Variants in CCDC33 observed in about 807,000 individuals in gnomAD.
CCDC33 encodes the protein coiled-coil domain-containing protein 33.
In CCDC33, 94 loss-of-function variants were observed where a neutral mutation model predicts 91.9. The ratio of observed to expected loss-of-function variants is 1.02; its 90% CI spans 0.87 to 1.21. The LOEUF is 1.21. Among genes scored for constraint, CCDC33 ranks in the 50% most tolerant of loss-of-function variants. The pLI, the probability that CCDC33 is intolerant of heterozygous loss-of-function variation, is 0.00. For missense variants in CCDC33, 940 were observed against 935.5 expected (o/e 1.00, Z -0.06); for synonymous variants, 396 against 374.5 (o/e 1.06, Z -0.66).
At position 74,271,748 on chromosome 15, in the gene CCDC33, C is replaced by G; in HGVS notation, c.592C>G (p.Pro198Ala). The G allele has an allele frequency of 6.2e-7, 1 of 1,613,938 alleles. No individual in the cohort carries two copies. The highest frequency in any genetic ancestry group is 1.7e-4 in the Middle Eastern group (1 of 6,058). ...CGAGCCCCTGGCCAACAACCCCAAC[C>G]CCATAGTGGTGATTGCCCGGGTCGT... is the stretch of plus-strand genomic sequence containing the variant. ...VNEPLANNPN[P>A]IVVIARVVPN... Residue 198 changes from proline (P) to alanine (A), a missense_variant, in exon 6 of 19, where the codon CCC becomes GCC. Physicochemically the swap from Pro to Ala is conservative, Grantham distance 27 (BLOSUM62 -1). Coordinates refer to ENST00000398814, the MANE Select transcript of CCDC33 (RefSeq NM_025055.5).
chr15:74,234,639 G>T (rs994864485), upstream of CCDC33, among the ~76,000 whole-genome samples: 1 of 152,194 alleles, frequency 6.6e-6, no homozygotes, highest in African/African-American at 2.4e-5. Context: ...GGAGCCAGAC[G>T]GCCTGGAACC....
At chr15:74,209,575 G>A in intron 2 of CCDC33, 3 of 755,730 alleles carry the variant, frequency 4.0e-6, no homozygotes. Flanking sequence ...GGCCCCCTCG[G>A]AGCTTTCTCT....
chr15:74,262,306 T>G, intron 2 of CCDC33, 134 bp from the exon 3 acceptor site: 2 of 1,154,716 alleles, frequency 1.7e-6, no homozygotes, highest in Non-Finnish European at 2.5e-6. Flanking sequence ...ATGACACAAG[T>G]GTCTATGCAT....
chr15:74,242,797 G>C (rs544081935), intron 1 of CCDC33, among the ~76,000 whole-genome samples: 1 of 152,140 alleles, frequency 6.6e-6, no homozygotes, highest in East Asian at 1.9e-4. Context: ...ACCCCACCGC[G>C]TTTATATGCC....
At chr15:74,266,329 T>A (rs1332426871) in intron 3 of CCDC33, among the ~76,000 whole-genome samples, 3 of 152,112 alleles carry the variant, frequency 2.0e-5, no homozygotes, top group Non-Finnish European at 4.4e-5. Flanking sequence ...TATGCCTGCT[T>A]GCCTGTGTAT....
intron 1 of CCDC33, among the ~76,000 whole-genome samples, chr15:74,217,966 G>T (rs1595877803): frequency 6.6e-6 from 1 of 152,004 alleles, no homozygotes; most frequent in East Asian, 1.9e-4. Context: ...CTAGATTGTG[G>T]GTATGTTGGG....
chr15:74,211,190 C>CT (rs2074364292), intron 2 of CCDC33, among the ~76,000 whole-genome samples: 2 of 151,000 alleles, frequency 1.3e-5, no homozygotes, highest in Admixed American at 1.3e-4. Flanking sequence ...CACCTCACTG[C>CT]TTTTTCCCCC....
intron 11 of CCDC33, among the ~76,000 whole-genome samples, chr15:74,307,235 C>T (rs1303518706): frequency 6.6e-6 from 1 of 152,154 alleles, no homozygotes; most frequent in Non-Finnish European, 1.5e-5. Flanking sequence ...GAGTTGCTAA[C>T]CTGGGAAATG....
chr15:74,211,393 C>CTT (rs34963230), intron 2 of CCDC33, among the ~76,000 whole-genome samples: 1,453 of 73,858 alleles, frequency 0.02, 3 homozygotes, highest in Non-Finnish European at 0.023. Flanking sequence ...CTGCCCCTGG[C>CTT]TTTTTTTTTT....
At chr15:74,239,350 G>A (rs2075276515) in intron 1 of CCDC33, among the ~76,000 whole-genome samples, 1 of 152,116 alleles carries the variant, frequency 6.6e-6, no homozygotes, top group Non-Finnish European at 1.5e-5. Context: ...TTAACTCCCT[G>A]TTGTTCCTAC....
intron 11 of CCDC33, among the ~76,000 whole-genome samples, chr15:74,311,002 C>T (rs1479066635): frequency 6.6e-6 from 1 of 152,168 alleles, no homozygotes; most frequent in Non-Finnish European, 1.5e-5. Flanking sequence ...CAACACAGGG[C>T]TGGGGAGGAG....
chr15:74,297,276 G>A (rs1416810838), intron 11 of CCDC33, among the ~76,000 whole-genome samples: 2 of 152,192 alleles, frequency 1.3e-5, no homozygotes, highest in Admixed American at 1.3e-4. Flanking sequence ...GTCATAAACT[G>A]CATTGAAAAT....
intron 13 of CCDC33, 84 bp downstream of exon 13, chr15:74,330,835 G>A: frequency 1.3e-6 from 2 of 1,513,914 alleles, no homozygotes; most frequent in Non-Finnish European, 1.8e-6. Flanking sequence ...GGAGAAGGGA[G>A]AACAGGCACA....
intron 6 of CCDC33, 86 bp from the exon 7 acceptor site, chr15:74,272,685 C>T (rs2076350278): frequency 2.6e-6 from 4 of 1,534,112 alleles, no homozygotes; most frequent in Non-Finnish European, 3.5e-6. Flanking sequence ...TCTCTTGCAT[C>T]AACCCAGAGT....
intron 11 of CCDC33, among the ~76,000 whole-genome samples, chr15:74,306,377 A>G (rs2059894017): frequency 1.3e-5 from 2 of 152,230 alleles, no homozygotes; most frequent in African/African-American, 2.4e-5. Context: ...TAGTCTGCAG[A>G]TGTCACTGTG....
chr15:74,332,568 G>C, intron 15 of CCDC33, 111 bp from the exon 16 acceptor site: 1 of 1,144,538 alleles, frequency 8.7e-7, no homozygotes, highest in African/African-American at 1.5e-5. Context: ...TTGAAGGCTT[G>C]GGAGTAGAGG....
chr15:74,317,517 GATTT>G (rs2060112809), intron 11 of CCDC33, among the ~76,000 whole-genome samples: 1 of 152,262 alleles, frequency 6.6e-6, no homozygotes, highest in Non-Finnish European at 1.5e-5. Flanking sequence ...CAGGGGTGGA[GATTT>G]TGAAACGGGT....
chr15:74,331,161 A>G (rs550213974), intron 14 of CCDC33, 42 bp from the exon 15 acceptor site: 2 of 1,613,874 alleles, frequency 1.2e-6, no homozygotes, highest in South Asian at 2.2e-5. Flanking sequence ...ATGGCAGAGT[A>G]GGGAGCCCCT....
intron 2 of CCDC33, among the ~76,000 whole-genome samples, chr15:74,260,653 G>A (rs941099216): frequency 2.0e-5 from 3 of 152,136 alleles, no homozygotes; most frequent in African/African-American, 7.2e-5. Context: ...CAGGATAAAC[G>A]CGGGCTCCAA....
Sources: allele counts gnomAD v4.1 joint callset (sites outside exome capture counted in the v4.1 genomes callset), GRCh38; gene constraint gnomAD v4.1.1; transcripts MANE v1.5; gene names NCBI Gene and HGNC (gene_info 2026-07-23, HGNC 2026-07-21).